Variants in IRAK3 observed in about 807,000 individuals in gnomAD.
IRAK3 encodes the protein interleukin-1 receptor-associated kinase 3.
IRAK3 carries 57 observed loss-of-function variants against 56.6 expected under a neutral mutation model. The observed-to-expected ratio is 1.01, with a 90% CI of 0.81 to 1.26. IRAK3 has a LOEUF of 1.26. IRAK3 is among the 50% of genes most tolerant of loss of function. The probability of loss-of-function intolerance (pLI) is 0.00; values close to 1 mark genes in which losing one functional copy is unlikely to be tolerated. For synonymous variants in IRAK3, 258 were observed against 255.7 expected, an observed-to-expected ratio of 1.01 and a Z score of -0.09; for missense variants, 703 against 719.0, an observed-to-expected ratio of 0.98 and a Z score of 0.25.
intron 1 of IRAK3, among the ~76,000 whole-genome samples, chr12:66,193,458 A>G (rs1484854109): frequency 3.3e-5 from 5 of 152,202 alleles, no homozygotes; most frequent in Non-Finnish European, 7.3e-5. Flanking sequence ...TGCATTCATT[A>G]CAATATTGAC....
intron 2 of IRAK3, among the ~76,000 whole-genome samples, chr12:66,208,594 C>G (rs1297456402): frequency 2.0e-5 from 3 of 151,308 alleles, no homozygotes; most frequent in Non-Finnish European, 4.4e-5. Flanking sequence ...AACCCTGTCT[C>G]TACTAAAAAT....
At chr12:66,214,727 A>T (rs1241298081) in intron 5 of IRAK3, among the ~76,000 whole-genome samples, 1 of 152,168 alleles carries the variant, frequency 6.6e-6, no homozygotes, top group Non-Finnish European at 1.5e-5. Flanking sequence ...TTGACTTTTA[A>T]AAAAATGGGC....
intron 8 of IRAK3, among the ~76,000 whole-genome samples, chr12:66,236,395 CA>C (rs56074285): frequency 0.16 from 17,739 of 110,272 alleles, 1,730 homozygotes; most frequent in African/African-American, 0.37. Context: ...CTAAAAATAC[CA>C]AAAAAAAAAA....
intron 6 of IRAK3, among the ~76,000 whole-genome samples, chr12:66,225,692 C>T (rs2052778652): frequency 6.6e-6 from 1 of 151,818 alleles, no homozygotes; most frequent in Non-Finnish European, 1.5e-5. Flanking sequence ...ATAGTGATGG[C>T]ACACACAATC....
chr12:66,227,614 C>T (rs2136938946), intron 7 of IRAK3, among the ~76,000 whole-genome samples: 1 of 144,374 alleles, frequency 6.9e-6, no homozygotes, highest in South Asian at 2.2e-4. Context: ...AACAAACAAA[C>T]TGCTGGTCAT....
chr12:66,234,666 G>A lies in IRAK3; in HGVS notation c.887+6296G>A. 1.9e-6 allele frequency: 3 copies of A among 1,610,658 alleles called. No homozygotes were observed. The South Asian group carries it at 3.3e-5, about 18-fold the overall frequency. On this transcript the variant is annotated intron_variant, in intron 8 of 11. Transcript: ENST00000261233. ...GGTTCTGTGGGGGCAGAAACTCCTG[G>A]TGGTGTCTTAATAAATTTTCCATTA...
intron 8 of IRAK3, chr12:66,234,475 T>C: frequency 6.2e-7 from 1 of 1,611,672 alleles, no homozygotes; most frequent in Middle Eastern, 2.1e-4. Flanking sequence ...TACTGTATGG[T>C]GAAGGATAAA....
intron 1 of IRAK3, among the ~76,000 whole-genome samples, chr12:66,202,003 G>A (rs1360809503): frequency 1.3e-5 from 2 of 152,210 alleles, no homozygotes; most frequent in Non-Finnish European, 2.9e-5. Flanking sequence ...TTTTGCTAAT[G>A]TGTGTCTCAC....
In IRAK3 at chr12:66,244,535, G is replaced by T. The variant is rs771156893; in HGVS notation, c.937G>T (p.Ala313Ser). 1.9e-6 allele frequency: 3 copies of T among 1,614,096 alleles called. No homozygotes were observed. The highest frequency in any genetic ancestry group is 2.5e-6 in the Non-Finnish European group (3 of 1,179,998). ...DQFQPKLTDFAMAHFRSHLEH... is the reference protein window; with the variant it reads ...DQFQPKLTDFSMAHFRSHLEH... ...GTTTCAACCCAAACTAACTGATTTT[G>T]CCATGGCACACTTCCGGTCCCACCT... Residue 313 changes from alanine to serine, a missense_variant, in exon 9 of 12, where the codon GCC (alanine) becomes TCC (serine). Ala to Ser is a moderately conservative substitution (Grantham distance 99). Transcript: ENST00000261233.
intron 1 of IRAK3, among the ~76,000 whole-genome samples, chr12:66,201,528 TATC>T (rs987107537): frequency 2.0e-5 from 3 of 152,186 alleles, no homozygotes; most frequent in African/African-American, 4.8e-5. Context: ...TTGGGAATAT[TATC>T]ATAGGAACAA....
intron 1 of IRAK3, chr12:66,196,797 C>T (rs1330677180): frequency 1.5e-5 from 20 of 1,335,360 alleles, no homozygotes; most frequent in Non-Finnish European, 1.9e-5. Flanking sequence ...ATGTCTTTAA[C>T]CTTAAAAGTT....
intron 8 of IRAK3, chr12:66,234,913 C>A: frequency 2.5e-6 from 4 of 1,614,114 alleles, no homozygotes; most frequent in South Asian, 1.1e-5. Flanking sequence ...GAGCTTGAAC[C>A]CCACTGGCCT....
At chr12:66,230,912 A>C (rs2052837907) in intron 8 of IRAK3, among the ~76,000 whole-genome samples, 1 of 152,184 alleles carries the variant, frequency 6.6e-6, no homozygotes, top group South Asian at 2.1e-4. Flanking sequence ...TGCGATTCTG[A>C]GCAAATTGCT....
At chr12:66,207,289 G>A (rs191426457) in intron 2 of IRAK3, among the ~76,000 whole-genome samples, 5 of 152,186 alleles carry the variant, frequency 3.3e-5, no homozygotes, top group South Asian at 4.1e-4. Flanking sequence ...TGGGCAAAAC[G>A]GTGAAACCCT....
At chr12:66,193,404 C>T (rs1372103983) in intron 1 of IRAK3, among the ~76,000 whole-genome samples, 1 of 152,206 alleles carries the variant, frequency 6.6e-6, no homozygotes, top group Non-Finnish European at 1.5e-5. Context: ...CCTTAGTACA[C>T]TCCGCACCCA....
intron 4 of IRAK3, among the ~76,000 whole-genome samples, chr12:66,210,744 C>T (rs536251444): frequency 1.3e-5 from 2 of 152,164 alleles, no homozygotes; most frequent in African/African-American, 4.8e-5. Context: ...ATGCTTCTTT[C>T]ATTGAAAAAA....
chr12:66,218,361 C>A (rs2052698306), intron 6 of IRAK3, among the ~76,000 whole-genome samples: 1 of 152,070 alleles, frequency 6.6e-6, no homozygotes, highest in Non-Finnish European at 1.5e-5. Context: ...TGAAATAATG[C>A]TGCAACAAGA....
intron 8 of IRAK3, among the ~76,000 whole-genome samples, chr12:66,240,408 T>G (rs968560296): frequency 6.6e-6 from 1 of 152,014 alleles, no homozygotes; most frequent in African/African-American, 2.4e-5. Context: ...CTAGGTTCAG[T>G]GGGGATGAAA....
intron 8 of IRAK3, among the ~76,000 whole-genome samples, chr12:66,231,254 A>G (rs1393615216): frequency 6.6e-6 from 1 of 152,232 alleles, no homozygotes; most frequent in Non-Finnish European, 1.5e-5. Context: ...GCTCACATCC[A>G]TAATCCCAGC....
Sources: allele counts gnomAD v4.1 joint callset (sites outside exome capture counted in the v4.1 genomes callset), GRCh38; gene constraint gnomAD v4.1.1; transcripts MANE v1.5; gene names NCBI Gene and HGNC (gene_info 2026-07-23, HGNC 2026-07-21).